The following NLRP3 variants were observed in gnomAD, a reference collection of about 807,000 sequenced individuals.
The protein encoded by NLRP3 is NACHT, LRR and PYD domains-containing protein 3.
In NLRP3, 48 loss-of-function variants were observed where a neutral mutation model predicts 91.3. The ratio of observed to expected loss-of-function variants is 0.53; its 90% CI spans 0.42 to 0.67. NLRP3 has a LOEUF of 0.67. Ranked by LOEUF, NLRP3 falls within the 30% of genes least tolerant of loss-of-function variation. The probability of loss-of-function intolerance (pLI) is 0.00; values close to 1 mark genes in which losing one functional copy is unlikely to be tolerated. For missense variants in NLRP3, 982 were observed against 1,276.9 expected (o/e 0.77, Z 3.52); for synonymous variants, 561 against 507.9 (o/e 1.10, Z -1.41).
chr1:247,425,534 A>G lies in NLRP3; in HGVS notation c.2085A>G (p.Glu695=), dbSNP rs779608026. 1.2e-6 allele frequency: 2 copies of G among 1,613,670 alleles called. No individual in the cohort carries two copies. The highest frequency in any genetic ancestry group is 2.2e-5 in the East Asian group (1 of 44,876). The change falls in exon 4 of 10, where the codon GAA becomes GAG. Residue 695 remains glutamate (E), a synonymous_variant. Coordinates refer to ENST00000336119, the MANE Select transcript of NLRP3 (RefSeq NM_001243133.2). This position sits in a 1 kb window ranked among gnomAD's most constrained non-coding sequence, Gnocchi z 4.1. The part of the protein sequence containing the change: ...MPKEEEEEEK[E]GRHLDMVQCV... ...AGGAGGAAGAGGAGGAGGAAAAGGA[A>G]GGCCGACACCTTGATATGGTGCAGT...
chr1:247,427,236 ATAACT>A (rs1662957102), intron 4 of NLRP3, among the ~76,000 whole-genome samples: 1 of 152,216 alleles, frequency 6.6e-6, no homozygotes, highest in South Asian at 2.1e-4. Flanking sequence ...CTCCACCCTC[ATAACT>A]TAACCACACC....
At chr1:247,441,193 TCC>T (rs66774877) in intron 7 of NLRP3, among the ~76,000 whole-genome samples, 73 of 64,328 alleles carry the variant, frequency 1.1e-3, no homozygotes, top group African/African-American at 3.4e-3. Flanking sequence ...TCCCTTCCCC[TCC>T]CCCCCCCCTT....
intron 2 of NLRP3, among the ~76,000 whole-genome samples, chr1:247,420,682 A>AC (rs1662391854): frequency 6.6e-6 from 1 of 152,068 alleles, no homozygotes; most frequent in Non-Finnish European, 1.5e-5. Context: ...GCACCACGGC[A>AC]CTCCAGCCTG....
intron 2 of NLRP3, among the ~76,000 whole-genome samples, chr1:247,419,932 T>C (rs1662335757): frequency 6.6e-6 from 1 of 152,208 alleles, no homozygotes; most frequent in Admixed American, 6.5e-5. Flanking sequence ...GGGTATATAC[T>C]CAGAAGTGAA....
At chr1:247,435,420 C>T (rs1037053748) in intron 6 of NLRP3, among the ~76,000 whole-genome samples, 5 of 152,170 alleles carry the variant, frequency 3.3e-5, no homozygotes, top group African/African-American at 1.2e-4. Context: ...CACACTACAA[C>T]ATGGATGAGC....
Position 247,418,646 on chromosome 1 carries a change from T to C in NLRP3, c.-155T>C, listed in dbSNP as rs201642169. ...TAAAGATTTTGACTTGTTACAGTCA[T>C]GTGACATTTTTTTCTTTCTGTTTGC... On this transcript the variant is annotated 5_prime_UTR_variant, in exon 2 of 10. An upstream start codon of the reference 5' UTR is lost. Coordinates refer to ENST00000336119, the MANE Select transcript of NLRP3 (RefSeq NM_001243133.2). 2.1e-6 allele frequency: 2 copies of C among 936,552 alleles called. No homozygotes were observed. The highest frequency in any genetic ancestry group is 3.3e-6 in the Non-Finnish European group (2 of 606,990). The allele number at this position is 936,552 out of a possible 1,614,324, so 58.0% of individuals were successfully genotyped here. A position where few individuals can be genotyped will look rare whatever the true frequency, so the allele number is the denominator to read the frequency against.
chr1:247,426,570 C>T (rs1000560026), intron 4 of NLRP3, among the ~76,000 whole-genome samples: 1 of 152,164 alleles, frequency 6.6e-6, no homozygotes, highest in Non-Finnish European at 1.5e-5. Context: ...TTTCTTGATC[C>T]GTTGACATTA....
chr1:247,444,549 T>G, intron 8 of NLRP3, 102 bp from the exon 9 acceptor site: 3 of 1,288,618 alleles, frequency 2.3e-6, no homozygotes, highest in Non-Finnish European at 3.4e-6. Flanking sequence ...CCTGTGCTTT[T>G]TTTTTTTCCA....
rs764753476 is a variant in NLRP3, at chr1:247,434,124, G to T, written c.2343G>T (p.Ser781=). ...GAAGGTTGGGGCGCTGTGGCCTCTC[G>T]CATGAGTGCTGCTTCGACATCTCCT... is the stretch of plus-strand genomic sequence containing the variant. The part of the protein sequence containing the change: ...RRLWLGRCGL[S]HECCFDISLV... The change falls in exon 6 of 10, where the codon TCG becomes TCT. Residue 781 remains serine (S), a synonymous_variant. Transcript: ENST00000336119. 6.2e-7 allele frequency: 1 copy of T among 1,614,146 alleles called. No individual in the cohort carries two copies. The highest frequency in any genetic ancestry group is 8.5e-7 in the Non-Finnish European group (1 of 1,180,046).
intron 2 of NLRP3, among the ~76,000 whole-genome samples, chr1:247,421,698 GCAGGGCATGTCT>G (rs1662471563): frequency 6.6e-6 from 1 of 152,198 alleles, no homozygotes. Flanking sequence ...GGGGTAAAAA[GCAGGGCATGTCT>G]CTGATCAAAG....
At position 247,424,104 on chromosome 1, in the gene NLRP3, AC is replaced by A; in HGVS notation, c.657del (p.Val220TrpfsTer18). On this transcript the variant is annotated frameshift_variant, in exon 4 of 10. Transcript: ENST00000336119. LOFTEE classifies it high-confidence loss of function. The surrounding 1 kb of genome is among the most constrained non-coding windows in gnomAD (Gnocchi z 8.1). Reference protein sequence around the residue: ...PDDEHSEPVHTVVFQGAAGIG... With the variant: ...PDDEHSEPVHXVVFQGAAGIG... ...TGATGAGCATTCTGAGCCTGTGCACACCGTGGTGTTCCAGGGGGCGGCAGGG... is the reference window on the plus strand; with the variant it reads ...TGATGAGCATTCTGAGCCTGTGCACACGTGGTGTTCCAGGGGGCGGCAGGG... 2.5e-6 allele frequency: 4 copies of A among 1,614,064 alleles called. No individual in the cohort carries two copies. Among genetic ancestry groups the A allele is most frequent in the Non-Finnish European group, 3.4e-6 (4 of 1,180,018 alleles).
At chr1:247,417,512 G>A (rs1219801673) in intron 1 of NLRP3, among the ~76,000 whole-genome samples, 1 of 151,982 alleles carries the variant, frequency 6.6e-6, no homozygotes, top group African/African-American at 2.4e-5. Flanking sequence ...ATGGAGTTTT[G>A]CTCTTATTGC....
At chr1:247,438,628 C>T (rs1663975930) in intron 7 of NLRP3, among the ~76,000 whole-genome samples, 1 of 152,214 alleles carries the variant, frequency 6.6e-6, no homozygotes, top group Non-Finnish European at 1.5e-5. Flanking sequence ...AGGTGATCTG[C>T]CTGCCTTGGC....
chr1:247,443,290 C>T (rs900612228), intron 7 of NLRP3, among the ~76,000 whole-genome samples: 16 of 152,030 alleles, frequency 1.1e-4, no homozygotes, highest in East Asian at 1.9e-4. Context: ...AGTGTGGCAG[C>T]GCAATCATGG....
At chr1:247,437,489 T>C (rs61841187) in intron 7 of NLRP3, among the ~76,000 whole-genome samples, 17,201 of 152,230 alleles carry the variant, frequency 0.11, 1,239 homozygotes, top group South Asian at 0.16. Context: ...CTTCCTGCAG[T>C]GCCTTCATTT....
chr1:247,443,694 T>TGAG (rs200066261), intron 7 of NLRP3, among the ~76,000 whole-genome samples: 1 of 151,926 alleles, frequency 6.6e-6, no homozygotes, highest in African/African-American at 2.4e-5. Context: ...GAAAGCTGTG[T>TGAG]GAGGAGGAGG....
In NLRP3 at chr1:247,448,438, A is replaced by G; in HGVS notation, c.3039A>G (p.Lys1013=). The G allele has an allele frequency of 6.2e-7, 1 of 1,613,234 alleles. No homozygotes were observed. The highest frequency in any genetic ancestry group is 8.5e-7 in the Non-Finnish European group (1 of 1,179,236). Residue 1013 remains lysine, a synonymous_variant, in exon 10 of 10, where the codon AAA becomes AAG. Transcript: ENST00000336119. ...LSEMYFNYET[K]SALETLQEEK... ...AAATGTATTTCAATTATGAGACAAA[A>G]AGTGCGTTAGAAACACTTCAAGAAG...
intron 7 of NLRP3, among the ~76,000 whole-genome samples, chr1:247,437,461 T>C (rs1450915906): frequency 6.6e-6 from 1 of 152,204 alleles, no homozygotes; most frequent in Non-Finnish European, 1.5e-5. Context: ...GATGTGACCA[T>C]ATCTCTTTCT....
intron 7 of NLRP3, among the ~76,000 whole-genome samples, chr1:247,438,824 G>C (rs1297013910): frequency 6.6e-6 from 1 of 152,158 alleles, no homozygotes; most frequent in Admixed American, 6.5e-5. Flanking sequence ...ACACATGCTT[G>C]GTGTAAACAT....
Sources: allele counts gnomAD v4.1 joint callset (sites outside exome capture counted in the v4.1 genomes callset), GRCh38; gene constraint gnomAD v4.1.1; non-coding constraint Gnocchi (gnomAD v3.1); transcripts MANE v1.5; gene names NCBI Gene and HGNC (gene_info 2026-07-23, HGNC 2026-07-21).